Variants in CCNB2 observed in about 807,000 individuals in gnomAD.
CCNB2 encodes the protein cyclin B2.
In CCNB2, 39 loss-of-function variants were observed where a neutral mutation model predicts 51.1. The ratio of observed to expected loss-of-function variants is 0.76; its 90% confidence interval spans 0.59 to 1.00. The LOEUF (loss-of-function observed/expected upper bound fraction) is 1.00, where lower values mean the gene tolerates loss of function less well. Ranked by LOEUF, CCNB2 falls within the 50% of genes least tolerant of loss-of-function variation. CCNB2 has a pLI of 0.00. For synonymous variants in CCNB2, 174 were observed against 165.5 expected (o/e 1.05, Z -0.40); for missense variants, 472 against 470.3 (o/e 1.00, Z -0.03).
chr15:59,109,792 C>T (rs754607345), intron 3 of CCNB2, among the ~76,000 whole-genome samples: 14 of 152,264 alleles, frequency 9.2e-5, no homozygotes, highest in Non-Finnish European at 1.8e-4. Flanking sequence ...CGAGACCATC[C>T]TGGCTAACAC....
At chr15:59,122,906 C>G (rs1167500423) in intron 7 of CCNB2, among the ~76,000 whole-genome samples, 1 of 152,170 alleles carries the variant, frequency 6.6e-6, no homozygotes, top group Non-Finnish European at 1.5e-5. Flanking sequence ...GAATTTTACT[C>G]TTTGGGAGGC....
chr15:59,107,488 G>A (rs745745222), intron 2 of CCNB2, 38 bp downstream of exon 2: 18 of 1,613,648 alleles, frequency 1.1e-5, no homozygotes, highest in South Asian at 2.2e-5. Flanking sequence ...TACAGAGGCC[G>A]ATTCTGTATA....
intron 7 of CCNB2, among the ~76,000 whole-genome samples, chr15:59,118,510 C>G (rs1400516758): frequency 1.3e-5 from 2 of 152,148 alleles, no homozygotes; most frequent in Non-Finnish European, 2.9e-5. Flanking sequence ...TGGCAAAACC[C>G]CCGTCTCTAC....
chr15:59,116,966 GT>G (rs1299553916), intron 6 of CCNB2, 40 bp downstream of exon 6: 16 of 1,504,092 alleles, frequency 1.1e-5, no homozygotes, highest in Admixed American at 1.8e-5. Flanking sequence ...TTTTTGCTTG[GT>G]GTCTCATCCC....
chr15:59,121,061 A>T (rs544795582), intron 7 of CCNB2: 1 of 152,178 alleles, frequency 6.6e-6, no homozygotes, highest in Non-Finnish European at 1.5e-5. Flanking sequence ...CACTGGTGAC[A>T]GTGTTTCTTA....
chr15:59,113,856 C>T (rs758989956), intron 3 of CCNB2, among the ~76,000 whole-genome samples: 8 of 152,136 alleles, frequency 5.3e-5, no homozygotes, highest in Admixed American at 6.5e-5. Context: ...CGCACCATCA[C>T]GCCCAGCTAG....
At chr15:59,110,876 C>T (rs1377385010) in intron 3 of CCNB2, among the ~76,000 whole-genome samples, 1 of 152,118 alleles carries the variant, frequency 6.6e-6, no homozygotes, top group African/African-American at 2.4e-5. Context: ...TTAGAAAGGA[C>T]ATGGAAGGCT....
At chr15:59,109,762 G>T (rs902163660) in intron 3 of CCNB2, among the ~76,000 whole-genome samples, 1 of 152,148 alleles carries the variant, frequency 6.6e-6, no homozygotes, top group African/African-American at 2.4e-5. Flanking sequence ...CGAGGCGGGC[G>T]GATCGCGAGG....
intron 5 of CCNB2, chr15:59,116,156 CG>C (rs2079277920): frequency 6.6e-6 from 1 of 152,156 alleles, no homozygotes; most frequent in East Asian, 1.9e-4. Context: ...AAAGCATTAG[CG>C]AAAGATTTTC....
intron 8 of CCNB2, 64 bp downstream of exon 8, chr15:59,123,691 G>C (rs867056960): frequency 3.8e-6 from 3 of 782,492 alleles, no homozygotes; most frequent in Non-Finnish European, 6.3e-6. Context: ...GTGTATGTTG[G>C]GCGGGGGGGG....
At chr15:59,110,250 T>C (rs1351761858) in intron 3 of CCNB2, among the ~76,000 whole-genome samples, 1 of 152,230 alleles carries the variant, frequency 6.6e-6, no homozygotes, top group Non-Finnish European at 1.5e-5. Context: ...GAGGCCACTG[T>C]TTGAGATAAA....
In CCNB2 at chr15:59,105,281, C is replaced by A. The variant is rs775535567; in HGVS notation, c.13C>A (p.Arg5=). ...TTCCCCGTCCCTCATGGCGCTGCTCCGACGCCCGACGGTGAGTGTGCCCGG... is the reference window on the plus strand; with the variant it reads ...TTCCCCGTCCCTCATGGCGCTGCTCAGACGCCCGACGGTGAGTGTGCCCGG... MALL[R]RPTVSSDLEN... The change falls in exon 1 of 9, where the codon CGA becomes AGA. Residue 5 remains arginine (R), a synonymous_variant. Transcript: ENST00000288207. 1.8e-5 allele frequency: 28 copies of A among 1,565,470 alleles called. No homozygotes were observed. The Admixed American group carries it at 5.0e-4, about 28-fold the overall frequency.
chr15:59,111,954 G>C (rs572089216), intron 3 of CCNB2, among the ~76,000 whole-genome samples: 6 of 151,516 alleles, frequency 4.0e-5, no homozygotes, highest in Admixed American at 3.3e-4. Context: ...CTGGGCTCAG[G>C]TGATTCTCCC....
At chr15:59,113,651 A>G (rs2140287650) in intron 3 of CCNB2, among the ~76,000 whole-genome samples, 1 of 152,358 alleles carries the variant, frequency 6.6e-6, no homozygotes, top group South Asian at 2.1e-4. Context: ...TTAGAAGTAT[A>G]GGTTTTATGA....
At position 59,107,642 on chromosome 15, in the gene CCNB2, C is replaced by A; in HGVS notation, c.239C>A (p.Pro80Gln). 6.2e-7 allele frequency: 1 copy of A among 1,614,060 alleles called. No individual in the cohort carries two copies. Among genetic ancestry groups the A allele is most frequent in the East Asian group, 2.2e-5 (1 of 44,882 alleles). ...CTGAAACCTACTGCTTCTGTCAAACCAGTACAGATGGAAAAGTTGGCTCCA... is the reference window on the plus strand; with the variant it reads ...CTGAAACCTACTGCTTCTGTCAAACAAGTACAGATGGAAAAGTTGGCTCCA... The part of the protein sequence containing the change: ...KQLKPTASVK[P>Q]VQMEKLAPKG... The change falls in exon 3 of 9, where the codon CCA becomes CAA. Residue 80 changes from proline to glutamine, a missense_variant. Pro to Gln is a moderately conservative substitution (Grantham distance 76, BLOSUM62 -1). Transcript: ENST00000288207.
chr15:59,109,873 C>CTACT (rs1417113488), intron 3 of CCNB2, among the ~76,000 whole-genome samples: 3 of 152,082 alleles, frequency 2.0e-5, no homozygotes, highest in African/African-American at 7.2e-5. Context: ...GTAGTCCCAG[C>CTACT]TACTTGGGAG....
chr15:59,113,402 G>A (rs1168810220), intron 3 of CCNB2, among the ~76,000 whole-genome samples: 1 of 152,152 alleles, frequency 6.6e-6, no homozygotes. Flanking sequence ...ACGTATCAGG[G>A]ATTATATAGA....
chr15:59,110,196 T>A (rs963942523), intron 3 of CCNB2, among the ~76,000 whole-genome samples: 1 of 152,202 alleles, frequency 6.6e-6, no homozygotes. Flanking sequence ...GTGTTTCCTT[T>A]ACTCCTTGGC....
In CCNB2 at chr15:59,116,723, G is replaced by T; in HGVS notation, c.631G>T (p.Val211Phe). The change falls in exon 6 of 9, where the codon GTT becomes TTT. Residue 211 changes from valine (V) to phenylalanine (F), a missense_variant. Val to Phe is a conservative substitution (Grantham distance 50). Coordinates refer to ENST00000288207, the MANE Select transcript of CCNB2 (RefSeq NM_004701.4). Reference sequence around the variant, plus strand: ...AGTTTCCCGGAAGAAGCTTCAATTAGTTGGGATTACTGCTCTGCTCTTGGC... The same window carrying T: ...AGTTTCCCGGAAGAAGCTTCAATTATTTGGGATTACTGCTCTGCTCTTGGC... ...QPVSRKKLQL[V>F]GITALLLASK... The T allele has an allele frequency of 1.9e-6, 3 of 1,612,400 alleles. No individual in the cohort carries two copies. Among genetic ancestry groups the T allele is most frequent in the Non-Finnish European group, 2.5e-6 (3 of 1,179,826 alleles).
Sources: gnomAD v4.1 joint callset for allele counts (sites outside exome capture counted in the v4.1 genomes callset) on GRCh38, gnomAD v4.1.1 for gene constraint, MANE v1.5 for transcripts, NCBI Gene and HGNC (gene_info 2026-07-23, HGNC 2026-07-21) for gene names.